Variants in PCDH7 observed in about 807,000 individuals in gnomAD.
PCDH7 encodes the protein protocadherin 7.
In PCDH7, 17 loss-of-function variants were observed where a neutral mutation model predicts 58.9. The ratio of observed to expected loss-of-function variants is 0.29; its 90% CI spans 0.20 to 0.43. The LOEUF is 0.43. PCDH7 is among the 20% of genes least tolerant of loss of function. The pLI is 1.00. For missense variants in PCDH7, 1,274 were observed against 1,441.0 expected, an observed-to-expected ratio of 0.88 and a Z score of 1.88; for synonymous variants, 664 against 616.4, an observed-to-expected ratio of 1.08 and a Z score of -1.14.
intron 3 of PCDH7, among the ~76,000 whole-genome samples, chr4:31,116,962 A>G (rs1055565024): frequency 6.6e-6 from 1 of 152,126 alleles, no homozygotes; most frequent in Non-Finnish European, 1.5e-5. Flanking sequence ...CAGACTCCTG[A>G]GTAGCTGGGA....
At chr4:31,138,672 T>C (rs546869163) in intron 3 of PCDH7, among the ~76,000 whole-genome samples, 1 of 152,266 alleles carries the variant, frequency 6.6e-6, no homozygotes, top group South Asian at 2.1e-4. Context: ...TTATGAATTG[T>C]TCTAAGATTG....
chr4:30,870,483 G>A (rs909629695), intron 1 of PCDH7, among the ~76,000 whole-genome samples: 1 of 152,048 alleles, frequency 6.6e-6, no homozygotes, highest in Non-Finnish European at 1.5e-5. Context: ...TTAAAAAGAA[G>A]TTTAAAACTA....
chr4:30,807,473 C>T (rs914741050), intron 1 of PCDH7, among the ~76,000 whole-genome samples: 14 of 152,122 alleles, frequency 9.2e-5, no homozygotes, highest in Non-Finnish European at 1.8e-4. Flanking sequence ...TACTGTTTTA[C>T]GGTGACAGCA....
chr4:30,883,493 T>A (rs1271922631), intron 1 of PCDH7, among the ~76,000 whole-genome samples: 2 of 152,204 alleles, frequency 1.3e-5, no homozygotes, highest in Non-Finnish European at 2.9e-5. Context: ...ACGTGGTACT[T>A]ACTTTGTTTC....
At chr4:30,963,841 A>C (rs774410495) in intron 3 of PCDH7, among the ~76,000 whole-genome samples, 2 of 152,212 alleles carry the variant, frequency 1.3e-5, no homozygotes, top group African/African-American at 2.4e-5. Flanking sequence ...TCTAAGAACA[A>C]GACTGAATTC....
chr4:31,052,486 A>C (rs562257921), intron 3 of PCDH7, among the ~76,000 whole-genome samples: 1 of 152,278 alleles, frequency 6.6e-6, no homozygotes, highest in South Asian at 2.1e-4. Flanking sequence ...TTCAATCCAA[A>C]GATCATTCTG....
intron 1 of PCDH7, among the ~76,000 whole-genome samples, chr4:30,893,075 T>G (rs1473520376): frequency 6.6e-6 from 1 of 152,108 alleles, no homozygotes; most frequent in Admixed American, 6.5e-5. Context: ...AGAAGTATTG[T>G]AGGGTCATTT....
rs1713331800 is a variant in PCDH7, at chr4:30,720,558, C to T, written c.-865C>T. On this transcript the variant is annotated 5_prime_UTR_variant, in exon 1 of 2. The change creates a premature stop within an existing upstream ORF in the 5' untranslated region. Coordinates refer to ENST00000361762, the Ensembl canonical transcript of PCDH7. This position sits in a 1 kb window ranked among gnomAD's most constrained non-coding sequence, Gnocchi z 4.7. ...CTGCTTCGTGACTAATGACCTTGCG[C>T]AGAGTTGTTAAGAAAAAAGAGAAAC... is the stretch of plus-strand genomic sequence containing the variant. 6.6e-6 allele frequency: 1 copy of T among 152,668 alleles called. No homozygotes were observed. Among genetic ancestry groups the T allele is most frequent in the East Asian group, 1.9e-4 (1 of 5,164 alleles). The allele number at this position is 152,668 out of a possible 1,614,324, so 9.5% of individuals were successfully genotyped here.
At chr4:30,859,663 C>T (rs559325679) in intron 1 of PCDH7, among the ~76,000 whole-genome samples, 2 of 152,198 alleles carry the variant, frequency 1.3e-5, no homozygotes, top group East Asian at 1.9e-4. Context: ...TGGTCTCGAA[C>T]TCCTGACCTC....
chr4:31,037,425 T>G (rs1334760187), intron 3 of PCDH7, among the ~76,000 whole-genome samples: 2 of 152,158 alleles, frequency 1.3e-5, no homozygotes, highest in African/African-American at 4.8e-5. Flanking sequence ...TATCAGGAGC[T>G]CTCCTGGAAG....
At chr4:30,834,489 C>T (rs781659470) in intron 1 of PCDH7, among the ~76,000 whole-genome samples, 1 of 152,116 alleles carries the variant, frequency 6.6e-6, no homozygotes, top group Non-Finnish European at 1.5e-5. Context: ...GTGCTTTGAA[C>T]CACTTCACTC....
downstream of PCDH7, among the ~76,000 whole-genome samples, chr4:30,735,343 A>G (rs1716101316): frequency 6.6e-6 from 1 of 152,128 alleles, no homozygotes; most frequent in African/African-American, 2.4e-5. Flanking sequence ...TCAAGCAGCC[A>G]TGTTTAAAGG....
Position 30,721,222 on chromosome 4 carries a change from G to A in PCDH7, c.-201G>A. ...TTCGGAAGAAGCAGGAGGAAAAAAA[G>A]AAGCATCTATCGCTGCCCTCCCACC... On this transcript the variant is annotated 5_prime_UTR_variant, in exon 1 of 2. Coordinates refer to ENST00000361762, the Ensembl canonical transcript of PCDH7. This position sits in a 1 kb window ranked among gnomAD's most constrained non-coding sequence, Gnocchi z 6.7. The A allele has an allele frequency of 1.9e-6, 1 of 540,484 alleles. No individual in the cohort carries two copies. Among genetic ancestry groups the A allele is most frequent in the Non-Finnish European group, 3.2e-6 (1 of 309,200 alleles). 33.5% of individuals were successfully genotyped at this position (540,484 alleles called of 1,614,324 possible).
At position 30,722,488 on chromosome 4, in the gene PCDH7, CG is replaced by C. The variant is rs2109225613; in HGVS notation, c.1068del (p.Leu357CysfsTer22). On this transcript the variant is annotated frameshift_variant, in exon 1 of 2. Coordinates refer to ENST00000361762, the Ensembl canonical transcript of PCDH7. LOFTEE classifies it high-confidence loss of function. This position sits in a 1 kb window ranked among gnomAD's most constrained non-coding sequence, Gnocchi z 7.6. ...CGGGGCGGCCACCGAGTCGGTGAGGCGGCTGCTGCGCCTTGACGAGACGTCC... is the reference window on the plus strand; with the variant it reads ...CGGGGCGGCCACCGAGTCGGTGAGGCGCTGCTGCGCCTTGACGAGACGTCC... 1 of 1,608,904 alleles carries C rather than the reference CG, an allele frequency of 6.2e-7. No individual in the cohort carries two copies. The highest frequency in any genetic ancestry group is 1.1e-5 in the South Asian group (1 of 90,724).
chr4:30,903,476 A>G (rs932185533), intron 1 of PCDH7, among the ~76,000 whole-genome samples: 2 of 152,060 alleles, frequency 1.3e-5, no homozygotes, highest in African/African-American at 2.4e-5. Flanking sequence ...CTTAGTGTAT[A>G]TAACAGTTCC....
chr4:31,027,872 C>T (rs187464681), intron 3 of PCDH7, among the ~76,000 whole-genome samples: 3 of 152,124 alleles, frequency 2.0e-5, no homozygotes, highest in African/African-American at 7.2e-5. Flanking sequence ...AACTAACCTG[C>T]TTTGTATCAA....
intron 2 of PCDH7, chr4:30,925,705 C>A (rs1743782088): frequency 6.6e-6 from 1 of 152,138 alleles, no homozygotes; most frequent in African/African-American, 2.4e-5. Context: ...CTGTATGCCA[C>A]CACTTTGGGA....
At chr4:30,957,725 C>CA (rs1748004837) in intron 3 of PCDH7, among the ~76,000 whole-genome samples, 1 of 152,146 alleles carries the variant, frequency 6.6e-6, no homozygotes, top group South Asian at 2.1e-4. Flanking sequence ...TCTTTAAATA[C>CA]ATTAAATAGG....
chr4:30,741,940 A>G (rs552762654), intron 1 of PCDH7, among the ~76,000 whole-genome samples: 4 of 152,340 alleles, frequency 2.6e-5, no homozygotes, highest in East Asian at 1.9e-4. Flanking sequence ...GCATGATCTC[A>G]TTGTAAGAAC....
Sources: allele counts gnomAD v4.1 joint callset (sites outside exome capture counted in the v4.1 genomes callset), GRCh38; gene constraint gnomAD v4.1.1; non-coding constraint Gnocchi (gnomAD v3.1); transcripts MANE v1.5; gene names NCBI Gene and HGNC (gene_info 2026-07-23, HGNC 2026-07-21).